ADCY3: variants seen among roughly 807,000 people sequenced by gnomAD.
ADCY3 encodes the protein adenylate cyclase 3.
ADCY3 carries 70 observed loss-of-function variants against 119.4 expected under a neutral mutation model. That is an observed-to-expected ratio of 0.59 (90% confidence interval 0.48 to 0.72). The LOEUF (loss-of-function observed/expected upper bound fraction) is 0.72. Ranked by LOEUF, ADCY3 falls within the 30% of genes least tolerant of loss-of-function variation. ADCY3 has a pLI of 0.00. For missense variants in ADCY3, 1,238 were observed against 1,541.6 expected (o/e 0.80, Z 3.30); for synonymous variants, 672 against 621.4 (o/e 1.08, Z -1.21).
At chr2:24,907,331 A>G (rs1328429571) in intron 2 of ADCY3, among the ~76,000 whole-genome samples, 1 of 152,094 alleles carries the variant, frequency 6.6e-6, no homozygotes, top group Non-Finnish European at 1.5e-5. Flanking sequence ...CATGTGAACA[A>G]CAAACCCCAG....
rs1469755665 is a variant in ADCY3, at chr2:24,839,376, G to A, written c.1355+497C>T. ...AAGCTCCCTGGCCCAGATGGGGAAG[G>A]CTGGGCTGATCCTCCCTCAGCCTCG... On this transcript the variant is annotated intron_variant, in intron 7 of 21. Coordinates refer to ENST00000679454, the MANE Select transcript of ADCY3 (RefSeq NM_004036.5). Among the ~76,000 whole-genome samples, 5 of 152,358 alleles carry A rather than the reference G, an allele frequency of 3.3e-5. No homozygotes were observed. In the East Asian group the frequency reaches 7.7e-4, roughly 23 times the overall value.
chr2:24,895,707 A>G (rs1678184734), intron 2 of ADCY3, among the ~76,000 whole-genome samples: 1 of 150,666 alleles, frequency 6.6e-6, no homozygotes, highest in South Asian at 2.1e-4. Context: ...GCTCAACACA[A>G]CCTATGCCGT....
chr2:24,839,349 G>A (rs1207195446), intron 7 of ADCY3, among the ~76,000 whole-genome samples: 2 of 152,232 alleles, frequency 1.3e-5, no homozygotes, highest in Non-Finnish European at 1.5e-5. Flanking sequence ...TGCCACTGAA[G>A]GAAGCTCCCT....
intron 2 of ADCY3, among the ~76,000 whole-genome samples, chr2:24,877,142 C>T (rs941274105): frequency 3.9e-5 from 6 of 152,252 alleles, no homozygotes; most frequent in African/African-American, 1.4e-4. Flanking sequence ...ATGGCCCTGC[C>T]ACTGTGTGCG....
chr2:24,892,289 C>T (rs1677747258), intron 2 of ADCY3, among the ~76,000 whole-genome samples: 1 of 149,104 alleles, frequency 6.7e-6, no homozygotes, highest in African/African-American at 2.5e-5. Flanking sequence ...GGCTCTGTCA[C>T]CCAGGCTGGA....
chr2:24,819,867 A>C lies in ADCY3; in HGVS notation c.*65T>G, dbSNP rs913643609. On this transcript the variant is annotated 3_prime_UTR_variant, in exon 22 of 22. Transcript: ENST00000679454. Reference sequence around the variant, plus strand: ...TGCACTTCAATCCAGGAAGGTCGGGACTTCCTTCAGTTTCAAAAAATAAAT... The same window carrying C: ...TGCACTTCAATCCAGGAAGGTCGGGCCTTCCTTCAGTTTCAAAAAATAAAT... 2.6e-6 allele frequency: 4 copies of C among 1,532,282 alleles called. No homozygotes were observed. Among genetic ancestry groups the C allele is most frequent in the Middle Eastern group, 1.7e-4 (1 of 5,806 alleles). The allele number at this position is 1,532,282 out of a possible 1,614,324, so 94.9% of individuals were successfully genotyped here.
chr2:24,826,012 G>T, intron 16 of ADCY3, 33 bp downstream of exon 16: 1 of 1,600,540 alleles, frequency 6.2e-7, no homozygotes, highest in Non-Finnish European at 8.6e-7. Context: ...TGGGCTGTGG[G>T]CACAGAGCGG....
intron 2 of ADCY3, among the ~76,000 whole-genome samples, chr2:24,888,369 C>T (rs1467091795): frequency 7.2e-5 from 11 of 152,350 alleles, no homozygotes; most frequent in Middle Eastern, 6.8e-3. Flanking sequence ...TCCCTTTCCA[C>T]GTCTCATTAT....
At chr2:24,912,302 GA>G (rs367822938) in intron 2 of ADCY3, among the ~76,000 whole-genome samples, 3,752 of 109,634 alleles carry the variant, frequency 0.034, 62 homozygotes, top group South Asian at 0.064. Flanking sequence ...GTCTCTATTT[GA>G]AAAAAAAAAA....
chr2:24,822,722 C>G (rs1667964055), intron 18 of ADCY3, 92 bp from the exon 19 acceptor site: 1 of 1,523,146 alleles, frequency 6.6e-7, no homozygotes. Flanking sequence ...AAGGACCCCA[C>G]TAAACCCAAG....
chr2:24,877,906 T>TCCTGGGGTGA, intron 2 of ADCY3: 1 of 471,066 alleles, frequency 2.1e-6, no homozygotes, highest in South Asian at 1.5e-5. Flanking sequence ...CAGTCCCGGG[T>TCCTGGGGTGA]CCTGGGGTGA....
intron 20 of ADCY3, chr2:24,821,052 C>T (rs372000083): frequency 1.2e-5 from 8 of 658,458 alleles, no homozygotes; most frequent in Admixed American, 9.6e-5. Flanking sequence ...CCGCCACCCC[C>T]CCCCCATATG....
intron 18 of ADCY3, 140 bp downstream of exon 18, chr2:24,823,069 G>C: frequency 1.8e-6 from 2 of 1,099,328 alleles, no homozygotes; most frequent in Non-Finnish European, 2.5e-6. Flanking sequence ...GTTCCAGGTG[G>C]CTGCAGAAGT....
At chr2:24,902,287 C>T (rs952737865) in intron 2 of ADCY3, among the ~76,000 whole-genome samples, 4 of 151,972 alleles carry the variant, frequency 2.6e-5, no homozygotes, top group African/African-American at 9.7e-5. Flanking sequence ...CACTATTTTG[C>T]CCAGTCTAGT....
At chr2:24,845,101 C>T (rs1400972445) in intron 3 of ADCY3, among the ~76,000 whole-genome samples, 2 of 152,220 alleles carry the variant, frequency 1.3e-5, no homozygotes, top group Non-Finnish European at 2.9e-5. Flanking sequence ...ACTCTAAGTC[C>T]AATTAAACCT....
At position 24,824,393 on chromosome 2, in the gene ADCY3, G is replaced by C; in HGVS notation, c.2721C>G (p.Ser907=). 1 of 1,614,142 alleles carries C rather than the reference G, an allele frequency of 6.2e-7. No individual in the cohort carries two copies. Among genetic ancestry groups the C allele is most frequent in the Non-Finnish European group, 8.5e-7 (1 of 1,179,998 alleles). Residue 907 remains serine (S), a synonymous_variant, in exon 17 of 22, where the codon TCC becomes TCG. Transcript: ENST00000679454. ...PEHVARHFLG[S]KKRDEELYSQ... Reference sequence around the variant, plus strand: ...CACCCCTCACCTCATCTCTCTTCTTGGACCCCAGGAAATGGCGTGCCACGT... The same window carrying C: ...CACCCCTCACCTCATCTCTCTTCTTCGACCCCAGGAAATGGCGTGCCACGT...
chr2:24,879,439 C>T (rs1572971087), intron 2 of ADCY3, among the ~76,000 whole-genome samples: 2 of 120,964 alleles, frequency 1.7e-5, no homozygotes, highest in Admixed American at 1.1e-4. Context: ...GGCGACAGAG[C>T]GAGACTCTGT....
rs952750076 is a variant in ADCY3, at chr2:24,842,224, C to T, written c.956+30G>A. On this transcript the variant is annotated intron_variant, in intron 4 of 21. Coordinates refer to ENST00000679454, the MANE Select transcript of ADCY3 (RefSeq NM_004036.5). This position sits in a 1 kb window ranked among gnomAD's most constrained non-coding sequence, Gnocchi z 4.9. ...TGCAGCCCTCCACAGCCTGCTCTGC[C>T]ATCAGAGCCCGCGCCCCGGGCCGGC... The T allele has an allele frequency of 6.2e-7, 1 of 1,613,208 alleles. No homozygotes were observed. Among genetic ancestry groups the T allele is most frequent in the Non-Finnish European group, 8.5e-7 (1 of 1,179,806 alleles).
At chr2:24,840,601 C>T in intron 6 of ADCY3, 1 of 459,490 alleles carries the variant, frequency 2.2e-6, no homozygotes, top group Non-Finnish European at 4.5e-6. Context: ...GACTCCATCC[C>T]ATGGGGGAGG....
Sources: allele counts gnomAD v4.1 joint callset (sites outside exome capture counted in the v4.1 genomes callset), GRCh38; gene constraint gnomAD v4.1.1; non-coding constraint Gnocchi (gnomAD v3.1); transcripts MANE v1.5; gene names NCBI Gene and HGNC (gene_info 2026-07-23, HGNC 2026-07-21).